GPR107: variants seen among roughly 807,000 people sequenced by gnomAD.
The protein encoded by GPR107 is G protein-coupled receptor 107.
In GPR107, 31 loss-of-function variants were observed where a neutral mutation model predicts 75.5. The ratio of observed to expected loss-of-function variants is 0.41; its 90% confidence interval spans 0.31 to 0.55. GPR107 has a LOEUF of 0.55. Ranked by LOEUF, GPR107 falls within the 20% of genes least tolerant of loss-of-function variation. The pLI, the probability that GPR107 is intolerant of heterozygous loss-of-function variation, is 0.26. For synonymous variants in GPR107, 267 were observed against 251.3 expected (o/e 1.06, Z -0.59); for missense variants, 572 against 665.7 (o/e 0.86, Z 1.55).
intron 17 of GPR107, among the ~76,000 whole-genome samples, chr9:130,131,244 A>G (rs1337270330): frequency 6.6e-6 from 1 of 152,162 alleles, no homozygotes; most frequent in Non-Finnish European, 1.5e-5. Flanking sequence ...CTGAGCTTCC[A>G]GGACCGTTGC....
chr9:130,057,842 T>TC (rs984525169), intron 1 of GPR107, among the ~76,000 whole-genome samples: 2 of 150,912 alleles, frequency 1.3e-5, no homozygotes, highest in African/African-American at 4.9e-5. Flanking sequence ...TATTATTTTT[T>TC]TTTTTTGAGA....
rs185901667 is a variant in GPR107, at chr9:130,098,498, T to C, written c.864-959T>C. ...TTCCTAGGAGTTCTGTGCTGTTTTC[T>C]CAGGTCCATCTACCTCATTCTTGCC... On this transcript the variant is annotated intron_variant, in intron 9 of 17. Transcript: ENST00000347136. Among the ~76,000 whole-genome samples, 210 of 152,334 alleles carry C rather than the reference T, an allele frequency of 1.4e-3. 1 individual carries two copies. The highest frequency in any genetic ancestry group is 5.0e-3 in the African/African-American group (206 of 41,572).
intron 4 of GPR107, among the ~76,000 whole-genome samples, chr9:130,078,034 G>A (rs750109827): frequency 2.5e-4 from 38 of 152,178 alleles, no homozygotes; most frequent in Non-Finnish European, 4.0e-4. Flanking sequence ...GCGTGGTGGT[G>A]GGCGCCTGTA....
chr9:130,094,990 TTTTTTTATTTTTTA>T (rs774475848), intron 9 of GPR107, among the ~76,000 whole-genome samples: 2 of 152,216 alleles, frequency 1.3e-5, no homozygotes, highest in South Asian at 2.1e-4. Flanking sequence ...CTCTGTTGTT[TTTTTTTATTTTTTA>T]TTTTTTATTT....
intron 14 of GPR107, among the ~76,000 whole-genome samples, chr9:130,114,052 T>TTTTTTTA (rs1564680200): frequency 1.7e-4 from 11 of 63,824 alleles, no homozygotes; most frequent in South Asian, 4.4e-4. Context: ...TTTTTTTTCA[T>TTTTTTTA]TTTTTTTTTT....
At chr9:130,062,304 T>C (rs1488268375) in intron 1 of GPR107, among the ~76,000 whole-genome samples, 1 of 151,618 alleles carries the variant, frequency 6.6e-6, no homozygotes, top group Non-Finnish European at 1.5e-5. Flanking sequence ...TCCCAGCTAC[T>C]CGGGAGGCTG....
At chr9:130,074,249 G>A (rs1366753363) in intron 1 of GPR107, among the ~76,000 whole-genome samples, 2 of 152,126 alleles carry the variant, frequency 1.3e-5, no homozygotes, top group Non-Finnish European at 2.9e-5. Flanking sequence ...AGTTCTGTGG[G>A]GGAGAGGAGG....
intron 1 of GPR107, among the ~76,000 whole-genome samples, chr9:130,074,673 A>G (rs1830298036): frequency 6.6e-6 from 1 of 152,058 alleles, no homozygotes; most frequent in Non-Finnish European, 1.5e-5. Context: ...CATGTCGCTA[A>G]TTCCTATTCC....
intron 14 of GPR107, chr9:130,114,514 C>G: frequency 2.6e-6 from 1 of 381,922 alleles, no homozygotes; most frequent in Non-Finnish European, 5.1e-6. Flanking sequence ...TCCCAAGTAG[C>G]TGGAATTACA....
intron 5 of GPR107, among the ~76,000 whole-genome samples, chr9:130,082,656 T>G (rs1161700225): frequency 6.6e-6 from 1 of 151,852 alleles, no homozygotes; most frequent in Non-Finnish European, 1.5e-5. Context: ...TTTTTTGTAT[T>G]TTTTAGTAGA....
rs12682846 is a variant in GPR107 at position 130,101,470 on chromosome 9, T to C, written c.1131+247T>C. Among the ~76,000 whole-genome samples, 28 of 152,372 alleles carry C rather than the reference T, an allele frequency of 1.8e-4. No individual in the cohort carries two copies. In the East Asian group the frequency reaches 4.8e-3, roughly 26 times the overall value. Reference sequence around the variant, plus strand: ...ATTTTGAGTAGAGAGCTGCTGACAGTGACAGGGAGACACACAGTAACACAC... The same window carrying C: ...ATTTTGAGTAGAGAGCTGCTGACAGCGACAGGGAGACACACAGTAACACAC... On this transcript the variant is annotated intron_variant, in intron 12 of 17. Coordinates refer to ENST00000347136, the MANE Select transcript of GPR107 (RefSeq NM_020960.5).
At chr9:130,094,987 G>GT (rs112219857) in intron 9 of GPR107, among the ~76,000 whole-genome samples, 5,215 of 151,190 alleles carry the variant, frequency 0.034, 304 homozygotes, top group African/African-American at 0.12. Flanking sequence ...GGCCTCTGTT[G>GT]TTTTTTTTTA....
intron 15 of GPR107, among the ~76,000 whole-genome samples, chr9:130,125,382 G>A (rs1423859273): frequency 6.6e-6 from 1 of 150,436 alleles, no homozygotes; most frequent in Non-Finnish European, 1.5e-5. Context: ...CGCCTGGCCA[G>A]TGTGGCTTGC....
chr9:130,061,935 ACT>A (rs944214354), intron 1 of GPR107, among the ~76,000 whole-genome samples: 4 of 150,148 alleles, frequency 2.7e-5, no homozygotes, highest in Admixed American at 6.6e-5. Flanking sequence ...ACAGGGTGAG[ACT>A]CTGTCTCAAA....
chr9:130,088,944 G>A (rs1190135269), intron 7 of GPR107, among the ~76,000 whole-genome samples: 1 of 152,056 alleles, frequency 6.6e-6, no homozygotes, highest in East Asian at 1.9e-4. Flanking sequence ...ACAAGGTTAG[G>A]AGTTTGAGAC....
chr9:130,092,717 G>A (rs1483335507), intron 9 of GPR107, among the ~76,000 whole-genome samples: 1 of 151,844 alleles, frequency 6.6e-6, no homozygotes, highest in Non-Finnish European at 1.5e-5. Flanking sequence ...CTGTGTTCAT[G>A]CCAGTCTTCC....
chr9:130,100,761 G>A, intron 11 of GPR107, 59 bp downstream of exon 11: 1 of 1,254,830 alleles, frequency 8.0e-7, no homozygotes, highest in Non-Finnish European at 1.2e-6. Flanking sequence ...CAAGGGGGGT[G>A]GGCAACAACC....
chr9:130,110,398 A>G, intron 14 of GPR107: 1 of 1,537,642 alleles, frequency 6.5e-7, no homozygotes, highest in Non-Finnish European at 8.8e-7. Context: ...TTCAGCAGAG[A>G]GCGAATCTAA....
intron 17 of GPR107, among the ~76,000 whole-genome samples, chr9:130,131,068 C>T (rs769453983): frequency 3.9e-5 from 6 of 152,082 alleles, no homozygotes; most frequent in East Asian, 1.9e-4. Context: ...CTGCGGCGGT[C>T]GGATGTTGGC....
Sources: gnomAD v4.1 joint callset for allele counts (sites outside exome capture counted in the v4.1 genomes callset) on GRCh38, gnomAD v4.1.1 for gene constraint, MANE v1.5 for transcripts, NCBI Gene and HGNC (gene_info 2026-07-23, HGNC 2026-07-21) for gene names.